The following CATSPERB variants were observed in gnomAD, a reference collection of about 807,000 sequenced individuals.
The protein encoded by CATSPERB is catsper channel auxiliary subunit beta.
In CATSPERB, 93 loss-of-function variants were observed where a neutral mutation model predicts 128.3. The ratio of observed to expected loss-of-function variants is 0.72; its 90% CI spans 0.61 to 0.86. The LOEUF (loss-of-function observed/expected upper bound fraction) is 0.86. Ranked by LOEUF, CATSPERB falls within the 40% of genes least tolerant of loss-of-function variation. The pLI, the probability that CATSPERB is intolerant of heterozygous loss-of-function variation, is 0.00. For synonymous variants in CATSPERB, 381 were observed against 448.8 expected (o/e 0.85, Z 1.91); for missense variants, 1,153 against 1,329.5 (o/e 0.87, Z 2.06).
chr14:91,715,899 C>T (rs748893980), intron 5 of CATSPERB, among the ~76,000 whole-genome samples: 3 of 152,132 alleles, frequency 2.0e-5, no homozygotes, highest in Non-Finnish European at 4.4e-5. Flanking sequence ...AAAAAATTAA[C>T]ATTGGCCCAT....
chr14:91,668,575 T>C (rs907665881), intron 14 of CATSPERB, among the ~76,000 whole-genome samples: 2 of 152,222 alleles, frequency 1.3e-5, no homozygotes, highest in Admixed American at 6.5e-5. Flanking sequence ...CCTTCCATGC[T>C]GTGGAAGCTT....
At chr14:91,611,342 G>C (rs1893821998) in intron 20 of CATSPERB, among the ~76,000 whole-genome samples, 1 of 152,182 alleles carries the variant, frequency 6.6e-6, no homozygotes, top group Non-Finnish European at 1.5e-5. Context: ...GGGCACGGTG[G>C]CTCACGCCTG....
In CATSPERB at chr14:91,722,045, A is replaced by C. The variant is rs371305535; in HGVS notation, c.309+1004T>G. ...AGCAAGACCCTGTCTCTAAACAAAAAAGAAAGAAAGAAAAGAAATTGGAAT... is the reference window on the plus strand; with the variant it reads ...AGCAAGACCCTGTCTCTAAACAAAACAGAAAGAAAGAAAAGAAATTGGAAT... On this transcript the variant is annotated intron_variant, in intron 4 of 26. Transcript: ENST00000256343. Among the ~76,000 whole-genome samples, 31 of 152,172 alleles carry C rather than the reference A, an allele frequency of 2.0e-4. No homozygotes were observed. In the East Asian group the frequency reaches 3.7e-3, roughly 18 times the overall value.
chr14:91,647,407 T>G (rs1457027705), intron 15 of CATSPERB, among the ~76,000 whole-genome samples: 1 of 152,206 alleles, frequency 6.6e-6, no homozygotes, highest in East Asian at 1.9e-4. Flanking sequence ...TGCAGGAATT[T>G]GTAAATCTCT....
At chr14:91,693,716 G>A (rs956749804) in intron 7 of CATSPERB, among the ~76,000 whole-genome samples, 1 of 152,106 alleles carries the variant, frequency 6.6e-6, no homozygotes. Flanking sequence ...ACCCTCTTAA[G>A]GTATTGGTTC....
chr14:91,689,432 G>T (rs931314876), intron 10 of CATSPERB, among the ~76,000 whole-genome samples: 3 of 152,176 alleles, frequency 2.0e-5, no homozygotes, highest in Non-Finnish European at 4.4e-5. Context: ...TTTTGACTTA[G>T]CAGGGCAGGT....
intron 15 of CATSPERB, among the ~76,000 whole-genome samples, chr14:91,659,070 G>A (rs905634643): frequency 2.0e-5 from 3 of 152,094 alleles, no homozygotes; most frequent in African/African-American, 7.2e-5. Context: ...CAAAATTACA[G>A]CCAGATAGGA....
intron 22 of CATSPERB, among the ~76,000 whole-genome samples, chr14:91,600,492 T>C (rs138966072): frequency 1.7e-3 from 260 of 152,330 alleles, no homozygotes; most frequent in African/African-American, 6.1e-3. Context: ...TTGGGTTTGT[T>C]TGTTTTTGTT....
At chr14:91,678,813 T>G (rs896126731) in intron 11 of CATSPERB, among the ~76,000 whole-genome samples, 2 of 152,212 alleles carry the variant, frequency 1.3e-5, no homozygotes, top group Non-Finnish European at 2.9e-5. Context: ...TGTATGATTT[T>G]TTTTGATAAA....
Position 91,617,861 on chromosome 14 carries a change from A to T in CATSPERB, c.2261-125T>A, listed in dbSNP as rs539539157. On this transcript the variant is annotated intron_variant, in intron 19 of 26. Transcript: ENST00000256343. ...ATTCTGAAGGTTGCACAATGACTGC[A>T]CATACAGTTAGCAATTTATATAGAG... is the stretch of plus-strand genomic sequence containing the variant. 5.8e-5 allele frequency: 39 copies of T among 672,694 alleles called. No homozygotes were observed. The South Asian group carries it at 7.5e-4, about 13-fold the overall frequency. The allele number at this position is 672,694 out of a possible 1,614,324, so 41.7% of individuals were successfully genotyped here.
intron 22 of CATSPERB, among the ~76,000 whole-genome samples, chr14:91,593,180 T>C (rs558346707): frequency 1.3e-5 from 2 of 152,348 alleles, no homozygotes; most frequent in African/African-American, 4.8e-5. Flanking sequence ...GGGGCCTTTA[T>C]GGAGAACCTC....
intron 18 of CATSPERB, among the ~76,000 whole-genome samples, chr14:91,624,448 C>A (rs866178839): frequency 1.3e-5 from 2 of 152,148 alleles, no homozygotes; most frequent in African/African-American, 4.8e-5. Context: ...TGCACCACTG[C>A]GCTCCAGGCT....
intron 14 of CATSPERB, among the ~76,000 whole-genome samples, chr14:91,661,639 C>G (rs1026850970): frequency 4.6e-5 from 7 of 151,460 alleles, no homozygotes; most frequent in Non-Finnish European, 7.4e-5. Flanking sequence ...CTCAAGCCAT[C>G]TTTTCACCTC....
intron 7 of CATSPERB, among the ~76,000 whole-genome samples, chr14:91,703,282 G>A (rs551949148): frequency 2.0e-5 from 3 of 152,160 alleles, no homozygotes; most frequent in South Asian, 4.1e-4. Flanking sequence ...CGAGAAATAC[G>A]TATTTGGTTT....
intron 16 of CATSPERB, among the ~76,000 whole-genome samples, chr14:91,636,865 C>T (rs1300612949): frequency 1.3e-5 from 2 of 152,186 alleles, no homozygotes; most frequent in African/African-American, 2.4e-5. Context: ...ACTTGACTCA[C>T]ATTGTGGGTG....
intron 26 of CATSPERB, among the ~76,000 whole-genome samples, chr14:91,582,864 T>G (rs888095463): frequency 6.6e-6 from 1 of 152,218 alleles, no homozygotes; most frequent in African/African-American, 2.4e-5. Context: ...TTCCTCATTA[T>G]ACTTGGATGC....
At chr14:91,711,725 G>A (rs894276253) in intron 5 of CATSPERB, among the ~76,000 whole-genome samples, 2 of 152,074 alleles carry the variant, frequency 1.3e-5, no homozygotes, top group African/African-American at 4.8e-5. Context: ...ATATGACAAA[G>A]GCATGATAAC....
intron 15 of CATSPERB, among the ~76,000 whole-genome samples, chr14:91,640,259 T>A (rs1012904199): frequency 2.6e-5 from 4 of 151,300 alleles, no homozygotes; most frequent in African/African-American, 9.7e-5. Context: ...TTTATTTTTT[T>A]TTTATTTAAG....
At chr14:91,588,114 T>G in intron 24 of CATSPERB, 36 bp from the exon 25 acceptor site, 1 of 1,346,092 alleles carries the variant, frequency 7.4e-7, no homozygotes, top group Non-Finnish European at 1.0e-6. Context: ...AGCACACTTA[T>G]TTTTCTCATT....
Sources: allele counts gnomAD v4.1 joint callset (sites outside exome capture counted in the v4.1 genomes callset), GRCh38; gene constraint gnomAD v4.1.1; transcripts MANE v1.5; gene names NCBI Gene and HGNC (gene_info 2026-07-23, HGNC 2026-07-21).